The following HOXC4 variants were observed in gnomAD, a reference collection of about 807,000 sequenced individuals.
The protein encoded by HOXC4 is homeobox protein Hox-C4.
A neutral mutation model predicts 25.5 loss-of-function variants in HOXC4; 15 were observed. The ratio of observed to expected loss-of-function variants is 0.59; its 90% CI spans 0.39 to 0.91. The LOEUF is 0.91. Ranked by LOEUF, HOXC4 falls within the 40% of genes least tolerant of loss-of-function variation. The pLI is 0.00. For synonymous variants in HOXC4, 165 were observed against 148.0 expected (o/e 1.11, Z -0.83); for missense variants, 342 against 352.4 (o/e 0.97, Z 0.24).
In HOXC4 at chr12:54,055,057, G is replaced by A; in HGVS notation, c.647G>A (p.Arg216Gln). Residue 216 changes from arginine (R) to glutamine (Q), a missense_variant, in exon 2 of 2, where the codon CGA becomes CAA. By Grantham distance (43) the Arg-to-Gln change is conservative. Coordinates refer to ENST00000430889, the MANE Select transcript of HOXC4 (RefSeq NM_153633.3). Reference protein sequence around the residue: ...NRRMKWKKDHRLPNTKVRSAP... With the variant: ...NRRMKWKKDHQLPNTKVRSAP... ...CGCATGAAATGGAAGAAGGACCACC[G>A]ACTCCCCAACACCAAAGTCAGGTCA... The A allele has an allele frequency of 6.2e-7, 1 of 1,613,572 alleles. No homozygotes were observed. The highest frequency in any genetic ancestry group is 8.5e-7 in the Non-Finnish European group (1 of 1,179,880).
intron 1 of HOXC4, chr12:54,021,548 G>A (rs1354673396): frequency 6.6e-6 from 1 of 152,286 alleles, no homozygotes; most frequent in African/African-American, 2.4e-5. Context: ...GCAGGGACCA[G>A]AGCGGGGCTG....
chr12:54,047,734 T>TTA (rs1937750697), intron 1 of HOXC4: 2 of 152,210 alleles, frequency 1.3e-5, no homozygotes, highest in South Asian at 4.1e-4. Flanking sequence ...TCGGGGAAGT[T>TTA]TATAACACAT....
At chr12:54,045,049 G>C (rs534579602) in intron 1 of HOXC4, among the ~76,000 whole-genome samples, 1 of 152,252 alleles carries the variant, frequency 6.6e-6, no homozygotes, top group South Asian at 2.1e-4. Flanking sequence ...TATGAGTTCC[G>C]GGCCCTCTTA....
At chr12:54,018,002 C>T (rs924769658) in intron 1 of HOXC4, among the ~76,000 whole-genome samples, 1 of 152,194 alleles carries the variant, frequency 6.6e-6, no homozygotes, top group Non-Finnish European at 1.5e-5. Flanking sequence ...CGCAGCTAGG[C>T]GGCCGGCGGG....
chr12:54,034,008 G>T (rs1469822452), intron 1 of HOXC4: 1 of 658,918 alleles, frequency 1.5e-6, no homozygotes, highest in Non-Finnish European at 2.9e-6. Context: ...CTTATTGTTC[G>T]GTCCGAGCCT....
At position 54,055,016 on chromosome 12, in the gene HOXC4, C is replaced by T. The variant is rs766883522; in HGVS notation, c.606C>T (p.Ile202=). The change falls in exon 2 of 2, where the codon ATC becomes ATT. Residue 202 remains isoleucine, a synonymous_variant. Coordinates refer to ENST00000430889, the MANE Select transcript of HOXC4 (RefSeq NM_153633.3). ...SLCLSERQIK[I]WFQNRRMKWK... ...GCCTCTCTGAGAGGCAGATCAAAATCTGGTTCCAAAACCGTCGCATGAAAT... is the reference window on the plus strand; with the variant it reads ...GCCTCTCTGAGAGGCAGATCAAAATTTGGTTCCAAAACCGTCGCATGAAAT... 122 of 1,613,978 alleles carry T rather than the reference C, an allele frequency of 7.6e-5. No individual in the cohort carries two copies. The highest frequency in any genetic ancestry group is 9.8e-5 in the Non-Finnish European group (116 of 1,180,020).
In HOXC4 at chr12:54,028,295, T is replaced by G. The variant is rs1000137595; in HGVS notation, c.-124+10881T>G. On this transcript the variant is annotated intron_variant, in intron 1 of 3. Transcript: ENST00000303406. Reference sequence around the variant, plus strand: ...TTTTAAAAGAAATCCAAGTCTTACTTTCAAAGCACACACTTAGTCTCAACT... The same window carrying G: ...TTTTAAAAGAAATCCAAGTCTTACTGTCAAAGCACACACTTAGTCTCAACT... 23 of 380,442 alleles carry G rather than the reference T, an allele frequency of 6.0e-5. 1 individual carries two copies. Among genetic ancestry groups the G allele is most frequent in the Non-Finnish European group, 5.7e-5 (12 of 211,898 alleles). 23.6% of individuals were successfully genotyped at this position (380,442 alleles called of 1,614,324 possible). A position where few individuals can be genotyped will look rare whatever the true frequency, so the allele number is the denominator to read the frequency against.
At chr12:54,048,888 A>T (rs1937780715), upstream of HOXC4, among the ~76,000 whole-genome samples, 1 of 152,182 alleles carries the variant, frequency 6.6e-6, no homozygotes, top group Admixed American at 6.5e-5. Context: ...TTCCTTGAAA[A>T]ATAAAAGTCC....
upstream of HOXC4, chr12:54,053,737 CA>C: frequency 7.7e-6 from 4 of 521,346 alleles, no homozygotes; most frequent in East Asian, 3.4e-5. Flanking sequence ...ACCACACACA[CA>C]AAAAAATTGG....
chr12:54,021,275 T>TA (rs968472450), intron 1 of HOXC4: 4 of 152,158 alleles, frequency 2.6e-5, no homozygotes, highest in African/African-American at 9.7e-5. Context: ...GTCCCCCAAA[T>TA]ACCCAGATCT....
chr12:54,047,960 G>A (rs1332531737), intron 1 of HOXC4: 1 of 152,236 alleles, frequency 6.6e-6, no homozygotes, highest in Non-Finnish European at 1.5e-5. Context: ...CTGCCTTTGG[G>A]TTTGAGGGGA....
chr12:54,034,775 A>G (rs1180453255), intron 1 of HOXC4: 1 of 437,060 alleles, frequency 2.3e-6, no homozygotes. Flanking sequence ...GCTGCGGCGT[A>G]CAGGCTGGCG....
chr12:54,026,406 G>T (rs1324048346), intron 1 of HOXC4, among the ~76,000 whole-genome samples: 2 of 152,134 alleles, frequency 1.3e-5, no homozygotes, highest in African/African-American at 2.4e-5. Flanking sequence ...AACTCACATT[G>T]GTGTCTATGT....
At chr12:54,034,683 T>C in intron 1 of HOXC4, 1 of 582,988 alleles carries the variant, frequency 1.7e-6, no homozygotes, top group Middle Eastern at 4.6e-4. Flanking sequence ...CGCGGGGCTG[T>C]CGGCGCTGCC....
At chr12:54,052,410 T>C (rs1937866545), upstream of HOXC4, among the ~76,000 whole-genome samples, 1 of 152,208 alleles carries the variant, frequency 6.6e-6, no homozygotes, top group South Asian at 2.1e-4. Context: ...AAAATATAGC[T>C]GAGCCCTGGC....
chr12:54,022,587 T>G (rs1940500111), intron 1 of HOXC4: 1 of 152,032 alleles, frequency 6.6e-6, no homozygotes, highest in African/African-American at 2.4e-5. Context: ...ATAAAATTAT[T>G]TATAGGGAAA....
chr12:54,033,475 T>C, intron 1 of HOXC4: 1 of 1,596,160 alleles, frequency 6.3e-7, no homozygotes, highest in Non-Finnish European at 8.5e-7. Flanking sequence ...AGTGGGGAGA[T>C]CAAAGAGGAG....
At chr12:54,036,654 C>G (rs1393482488) in intron 1 of HOXC4, among the ~76,000 whole-genome samples, 1 of 151,734 alleles carries the variant, frequency 6.6e-6, no homozygotes, top group Non-Finnish European at 1.5e-5. Context: ...AACTTGCACA[C>G]AGCAGTTAAC....
intron 1 of HOXC4, among the ~76,000 whole-genome samples, chr12:54,019,178 C>A (rs866050401): frequency 2.0e-3 from 268 of 132,002 alleles, no homozygotes; most frequent in Middle Eastern, 7.5e-3. Context: ...CCCTCCCCCA[C>A]CCCCCCACCC....
Sources: gnomAD v4.1 joint callset for allele counts (sites outside exome capture counted in the v4.1 genomes callset) on GRCh38, gnomAD v4.1.1 for gene constraint, MANE v1.5 for transcripts, NCBI Gene and HGNC (gene_info 2026-07-23, HGNC 2026-07-21) for gene names.